The following NALCN variants were observed in gnomAD, a reference collection of about 807,000 sequenced individuals.
The protein encoded by NALCN is sodium leak channel NALCN.
NALCN carries 111 observed loss-of-function variants against 225.3 expected under a neutral mutation model. The ratio of observed to expected loss-of-function variants is 0.49; its 90% CI spans 0.42 to 0.58. The LOEUF (loss-of-function observed/expected upper bound fraction) is 0.58, where lower values mean the gene tolerates loss of function less well. Among genes scored for constraint, NALCN ranks in the 20% least tolerant of loss-of-function variants. The probability of loss-of-function intolerance (pLI) is 0.00; values close to 1 mark genes in which losing one functional copy is unlikely to be tolerated. For missense variants in NALCN, 1,378 were observed against 2,202.4 expected, an observed-to-expected ratio of 0.63 and a Z score of 7.49; for synonymous variants, 764 against 769.0, an observed-to-expected ratio of 0.99 and a Z score of 0.11.
intron 3 of NALCN, among the ~76,000 whole-genome samples, chr13:101,384,352 C>T (rs1245804278): frequency 6.6e-6 from 1 of 152,006 alleles, no homozygotes; most frequent in African/African-American, 2.4e-5. Flanking sequence ...GCTTCAAGAG[C>T]TGTATATGTC....
chr13:101,116,109 T>C (rs2035695501), intron 18 of NALCN, among the ~76,000 whole-genome samples: 1 of 152,126 alleles, frequency 6.6e-6, no homozygotes, highest in Admixed American at 6.6e-5. Context: ...CTCTCTACCT[T>C]TGAAAGTAAA....
chr13:101,140,290 C>T (rs983693851), intron 17 of NALCN, among the ~76,000 whole-genome samples: 2 of 152,294 alleles, frequency 1.3e-5, no homozygotes, highest in East Asian at 3.9e-4. Context: ...TCTCTTTAGA[C>T]TCCTCCTCAG....
chr13:101,375,500 C>A (rs1296842751), intron 6 of NALCN, among the ~76,000 whole-genome samples: 3 of 152,130 alleles, frequency 2.0e-5, no homozygotes, highest in Non-Finnish European at 4.4e-5. Context: ...CCTCCAACTG[C>A]AGAAAACACA....
chr13:101,369,730 C>A (rs1028725148), intron 6 of NALCN, among the ~76,000 whole-genome samples: 2 of 152,132 alleles, frequency 1.3e-5, no homozygotes, highest in Admixed American at 1.3e-4. Context: ...CACACAATAT[C>A]TTTTTCCATT....
At chr13:101,065,164 T>TA (rs1183449207) in intron 40 of NALCN, among the ~76,000 whole-genome samples, 2 of 152,134 alleles carry the variant, frequency 1.3e-5, no homozygotes, top group African/African-American at 4.8e-5. Flanking sequence ...CAGGGGTCCC[T>TA]ACGGGACATC....
rs2037174848 is a variant in NALCN, at chr13:101,143,125, G to A, written c.2073C>T (p.His691=). ...TGTCCTCAATTGCTGAGCGTTTGGA[G>A]TGGTCGCAGGAGGAGGAAGAGGTGG... is the stretch of plus-strand genomic sequence containing the variant. The part of the protein sequence containing the change: ...LPTTSSSSCD[H]SKRSAIEDNK... Residue 691 remains histidine, a synonymous_variant, in exon 17 of 44, where the codon CAC becomes CAT. Coordinates refer to ENST00000251127, the MANE Select transcript of NALCN (RefSeq NM_052867.4). 1 of 1,614,086 alleles carries A rather than the reference G, an allele frequency of 6.2e-7. No individual in the cohort carries two copies. The highest frequency in any genetic ancestry group is 1.1e-5 in the South Asian group (1 of 91,084).
intron 7 of NALCN, among the ~76,000 whole-genome samples, chr13:101,324,217 G>T (rs937438056): frequency 2.0e-5 from 3 of 152,138 alleles, no homozygotes; most frequent in African/African-American, 7.2e-5. Flanking sequence ...CAACTGGCTT[G>T]TAGAAGAGTA....
chr13:101,180,166 G>A (rs1197410157), intron 14 of NALCN, among the ~76,000 whole-genome samples: 2 of 147,436 alleles, frequency 1.4e-5, no homozygotes, highest in Non-Finnish European at 3.0e-5. Context: ...CCTATCTTTT[G>A]TAGGGGCCCA....
chr13:101,353,844 C>T (rs1018946763), intron 6 of NALCN, among the ~76,000 whole-genome samples: 2 of 152,140 alleles, frequency 1.3e-5, no homozygotes, highest in African/African-American at 4.8e-5. Context: ...AGTGACAATG[C>T]AGTACATGAT....
chr13:101,320,165 A>G (rs775026484), intron 7 of NALCN, among the ~76,000 whole-genome samples: 17 of 152,188 alleles, frequency 1.1e-4, no homozygotes, highest in Non-Finnish European at 2.1e-4. Context: ...CAGGTATTCA[A>G]TTTACAACAA....
intron 11 of NALCN, among the ~76,000 whole-genome samples, chr13:101,245,690 G>T (rs564807167): frequency 6.0e-5 from 9 of 150,816 alleles, no homozygotes; most frequent in African/African-American, 2.2e-4. Flanking sequence ...GGGTCTGGAG[G>T]CAGGGAACCT....
chr13:101,126,103 T>G (rs1235522646), intron 17 of NALCN, among the ~76,000 whole-genome samples: 1 of 152,256 alleles, frequency 6.6e-6, no homozygotes, highest in Non-Finnish European at 1.5e-5. Context: ...TCAGTCAGTG[T>G]GTCCATAAAG....
At chr13:101,284,734 A>G (rs184473498) in intron 9 of NALCN, among the ~76,000 whole-genome samples, 14 of 152,308 alleles carry the variant, frequency 9.2e-5, no homozygotes, top group Admixed American at 9.2e-4. Flanking sequence ...GAAATTCAAG[A>G]TGCTACAGGC....
At chr13:101,149,173 G>T (rs779968728) in intron 15 of NALCN, among the ~76,000 whole-genome samples, 2 of 152,008 alleles carry the variant, frequency 1.3e-5, no homozygotes, top group Non-Finnish European at 2.9e-5. Context: ...GGCGCCTGTA[G>T]TCCCAGCTAC....
intron 7 of NALCN, among the ~76,000 whole-genome samples, chr13:101,297,663 C>A (rs111607958): frequency 6.6e-6 from 1 of 152,182 alleles, no homozygotes; most frequent in Non-Finnish European, 1.5e-5. Context: ...CCTTGCACCC[C>A]CTTTGCGTGA....
intron 34 of NALCN, 89 bp downstream of exon 34, chr13:101,081,438 G>A (rs1041292330): frequency 2.5e-5 from 40 of 1,577,524 alleles, no homozygotes; most frequent in Non-Finnish European, 3.4e-5. Flanking sequence ...GCAGGTTGAT[G>A]TGGAGTAAAA....
At chr13:101,116,984 AGCTC>A (rs1192908507) in intron 18 of NALCN, 1 of 515,398 alleles carries the variant, frequency 1.9e-6, no homozygotes, top group Non-Finnish European at 3.9e-6. Context: ...CTAATGGGTG[AGCTC>A]GTCGGTAATG....
intron 30 of NALCN, among the ~76,000 whole-genome samples, chr13:101,085,713 T>C (rs1375966129): frequency 1.3e-5 from 2 of 152,156 alleles, no homozygotes; most frequent in African/African-American, 4.8e-5. Flanking sequence ...GGCAAAAACA[T>C]TATTTGCTGC....
rs531463944 is a variant in NALCN at position 101,165,783 on chromosome 13, A to C, written c.1839+10517T>G. Among the ~76,000 whole-genome samples the C allele has an allele frequency of 1.1e-4, 16 of 152,318 alleles. No individual in the cohort carries two copies. In the East Asian group the frequency reaches 3.1e-3, roughly 29 times the overall value. On this transcript the variant is annotated intron_variant, in intron 15 of 43. Transcript: ENST00000251127. ...GAGCCACCACGCCTAGCCCCATCTT[A>C]ACCATTTTAAGTGTACAGTTCAGCA...
Sources: allele counts gnomAD v4.1 joint callset (sites outside exome capture counted in the v4.1 genomes callset), GRCh38; gene constraint gnomAD v4.1.1; transcripts MANE v1.5; gene names NCBI Gene and HGNC (gene_info 2026-07-23, HGNC 2026-07-21).